Variants in ADK observed in about 807,000 individuals in gnomAD.
ADK encodes adenosine kinase.
In ADK, 24 loss-of-function variants were observed where a neutral mutation model predicts 44.7. The observed-to-expected ratio is 0.54, with a 90% CI of 0.39 to 0.76. The LOEUF is 0.76. Among genes scored for constraint, ADK ranks in the 30% least tolerant of loss-of-function variants. ADK has a pLI of 0.00. For synonymous variants in ADK, 128 were observed against 142.6 expected (o/e 0.90, Z 0.73); for missense variants, 321 against 425.1 (o/e 0.76, Z 2.15).
chr10:74,606,816 T>C (rs1011362920), intron 9 of ADK, among the ~76,000 whole-genome samples: 4 of 151,594 alleles, frequency 2.6e-5, no homozygotes, highest in African/African-American at 9.7e-5. Flanking sequence ...GTTGATCTAA[T>C]ATTGACAGTG....
intron 3 of ADK, among the ~76,000 whole-genome samples, chr10:74,267,780 G>GTGTGTGTGTA (rs1846270022): frequency 2.0e-5 from 3 of 149,086 alleles, no homozygotes; most frequent in Non-Finnish European, 4.5e-5. Context: ...GTGTGTGTGT[G>GTGTGTGTGTA]TGTGTGTGTG....
chr10:74,600,510 T>C lies in ADK; in HGVS notation c.877+17T>C, dbSNP rs763554779. ...TGGCTACAGGTACATGTGGGAAATG[T>C]GTGATGAATCTAGTATTATGGAGAT... On this transcript the variant is annotated intron_variant, in intron 9 of 10. Transcript: ENST00000539909. 1 of 1,552,640 alleles carries C rather than the reference T, an allele frequency of 6.4e-7. No homozygotes were observed. Among genetic ancestry groups the C allele is most frequent in the East Asian group, 2.3e-5 (1 of 43,828 alleles).
intron 6 of ADK, among the ~76,000 whole-genome samples, chr10:74,523,236 G>T (rs1428345585): frequency 6.6e-6 from 1 of 152,150 alleles, no homozygotes; most frequent in Non-Finnish European, 1.5e-5. Context: ...ATTTCAGATG[G>T]TTTTATTATC....
intron 3 of ADK, among the ~76,000 whole-genome samples, chr10:74,228,942 A>G (rs954612288): frequency 2.0e-5 from 3 of 152,180 alleles, no homozygotes; most frequent in African/African-American, 4.8e-5. Context: ...AAAGGGATTC[A>G]CATTTATTTA....
intron 7 of ADK, among the ~76,000 whole-genome samples, chr10:74,532,213 G>A (rs977772469): frequency 5.5e-4 from 83 of 152,230 alleles, no homozygotes; most frequent in East Asian, 1.9e-4. Context: ...AAAAGCCCTC[G>A]GAGGCTGGGC....
intron 1 of ADK, among the ~76,000 whole-genome samples, chr10:74,166,633 G>C (rs1201084060): frequency 7.0e-6 from 1 of 142,198 alleles, no homozygotes; most frequent in Admixed American, 7.5e-5. Flanking sequence ...GTTGCAATAA[G>C]CCAAGATTGC....
At chr10:74,597,630 T>C (rs922828981) in intron 8 of ADK, among the ~76,000 whole-genome samples, 1 of 152,154 alleles carries the variant, frequency 6.6e-6, no homozygotes, top group Non-Finnish European at 1.5e-5. Flanking sequence ...TCATGTACAT[T>C]GAGATTAGGC....
At chr10:74,544,787 G>A (rs1312733121) in intron 7 of ADK, among the ~76,000 whole-genome samples, 7 of 151,994 alleles carry the variant, frequency 4.6e-5, no homozygotes, top group African/African-American at 1.2e-4. Flanking sequence ...ACTTGAACCC[G>A]GGAGGTGGAG....
rs556585296 is a variant in ADK at position 74,490,829 on chromosome 10, AT to A, written c.556-34419del. On this transcript the variant is annotated intron_variant, in intron 6 of 10. Coordinates refer to ENST00000539909, the MANE Select transcript of ADK (RefSeq NM_006721.4). ...TTCCTCTAGTTTGAAAATTGTATTG[AT>A]TTTTTTTCCCCATAGTAACTCACAG... Among the ~76,000 whole-genome samples the A allele has an allele frequency of 3.0e-3, 451 of 151,936 alleles. 2 individuals are homozygous for A. Among genetic ancestry groups the A allele is most frequent in the African/African-American group, 0.01 (431 of 41,454 alleles).
chr10:74,519,470 G>A (rs896682548), intron 6 of ADK, among the ~76,000 whole-genome samples: 1 of 151,868 alleles, frequency 6.6e-6, no homozygotes, highest in Non-Finnish European at 1.5e-5. Flanking sequence ...TCAGTAGTGA[G>A]CTTTAGAGTA....
chr10:74,231,507 G>T (rs1182160536), intron 3 of ADK, among the ~76,000 whole-genome samples: 1 of 146,142 alleles, frequency 6.8e-6, no homozygotes, highest in Non-Finnish European at 1.5e-5. Context: ...TAACTCTGTT[G>T]CCCAGGTTGG....
In ADK at chr10:74,173,586, G is replaced by A. The variant is rs548141521; in HGVS notation, c.65+22243G>A. ...GCTGGGACTATAGGTGTGTGCCACC[G>A]CGCCCAACTAATTCTTGTATTTTTA... is the stretch of plus-strand genomic sequence containing the variant. On this transcript the variant is annotated intron_variant, in intron 1 of 10. Coordinates refer to ENST00000539909, the MANE Select transcript of ADK (RefSeq NM_006721.4). Among the ~76,000 whole-genome samples the A allele has an allele frequency of 1.5e-4, 22 of 151,542 alleles. No homozygotes were observed. In the South Asian group the frequency reaches 2.1e-3, roughly 14 times the overall value.
At chr10:74,430,603 A>C (rs1844950098) in intron 6 of ADK, among the ~76,000 whole-genome samples, 1 of 152,168 alleles carries the variant, frequency 6.6e-6, no homozygotes, top group Non-Finnish European at 1.5e-5. Context: ...TATAAAAATA[A>C]AAAATTATTT....
Position 74,587,130 on chromosome 10 carries a change from A to T in ADK, c.727-2152A>T, listed in dbSNP as rs899010645. Reference sequence around the variant, plus strand: ...CCATATAAATAAGTGGTTCTAGTATAGCTTTTTTGTTGTCTTTTTCATATA... The same window carrying T: ...CCATATAAATAAGTGGTTCTAGTATTGCTTTTTTGTTGTCTTTTTCATATA... On this transcript the variant is annotated intron_variant, in intron 7 of 10. Coordinates refer to ENST00000539909, the MANE Select transcript of ADK (RefSeq NM_006721.4). 2.0e-5 allele frequency among the ~76,000 whole-genome samples: 3 copies of T among 152,222 alleles called. No individual in the cohort carries two copies. In the East Asian group the frequency reaches 5.8e-4, roughly 29 times the overall value.
chr10:74,194,937 A>T (rs541285708), intron 1 of ADK, among the ~76,000 whole-genome samples: 1 of 152,350 alleles, frequency 6.6e-6, no homozygotes, highest in East Asian at 1.9e-4. Context: ...ATCAATAGCC[A>T]AGAAAAGATT....
chr10:74,218,622 G>T (rs543055977), intron 2 of ADK, among the ~76,000 whole-genome samples: 1 of 152,268 alleles, frequency 6.6e-6, no homozygotes, highest in African/African-American at 2.4e-5. Context: ...CAGAGAGAAA[G>T]GTCGGGTTAC....
chr10:74,642,851 T>A (rs796762502), intron 9 of ADK, among the ~76,000 whole-genome samples: 113 of 143,910 alleles, frequency 7.9e-4, no homozygotes, highest in African/African-American at 2.8e-3. Flanking sequence ...TTTTTTTTTT[T>A]AAGACAGGGT....
chr10:74,281,379 G>A (rs1253153571), intron 3 of ADK, among the ~76,000 whole-genome samples: 2 of 152,162 alleles, frequency 1.3e-5, no homozygotes, highest in Non-Finnish European at 2.9e-5. Flanking sequence ...CCAGTTCATT[G>A]GGGGAAGTTC....
chr10:74,655,861 A>G, intron 9 of ADK: 1 of 580,952 alleles, frequency 1.7e-6, no homozygotes, highest in Non-Finnish European at 3.3e-6. Flanking sequence ...AACGACCAGG[A>G]AGCCAGGCTG....
Sources: gnomAD v4.1 joint callset for allele counts (sites outside exome capture counted in the v4.1 genomes callset) on GRCh38, gnomAD v4.1.1 for gene constraint, MANE v1.5 for transcripts, NCBI Gene and HGNC (gene_info 2026-07-23, HGNC 2026-07-21) for gene names.